ELAVL4: variants seen among roughly 807,000 people sequenced by gnomAD.
ELAVL4 encodes the protein ELAV-like protein 4.
ELAVL4 carries 1 observed loss-of-function variant against 35.6 expected under a neutral mutation model. The ratio of observed to expected loss-of-function variants is 0.03; its 90% CI spans 0.01 to 0.13. The LOEUF is 0.13. ELAVL4 is among the 10% of genes least tolerant of loss of function. The pLI is 1.00. For synonymous variants in ELAVL4, 156 were observed against 171.0 expected, an observed-to-expected ratio of 0.91 and a Z score of 0.69; for missense variants, 267 against 464.9, an observed-to-expected ratio of 0.57 and a Z score of 3.91.
chr1:50,140,490 A>G (rs1308717005), intron 1 of ELAVL4, among the ~76,000 whole-genome samples: 1 of 152,220 alleles, frequency 6.6e-6, no homozygotes, highest in African/African-American at 2.4e-5. Flanking sequence ...ATATTCGTGC[A>G]TTTAATATCT....
chr1:50,069,958 G>A (rs1321186262), intron 1 of ELAVL4, among the ~76,000 whole-genome samples: 3 of 152,292 alleles, frequency 2.0e-5, no homozygotes, highest in Non-Finnish European at 4.4e-5. Flanking sequence ...CTATTTTAGT[G>A]TCAAGGCTGT....
chr1:50,087,769 T>C (rs1015702026), intron 1 of ELAVL4, among the ~76,000 whole-genome samples: 6 of 152,290 alleles, frequency 3.9e-5, no homozygotes, highest in African/African-American at 1.4e-4. Context: ...CTCTCCACCA[T>C]GCAAGGACAC....
At chr1:50,164,170 T>C (rs1228987163) in intron 2 of ELAVL4, among the ~76,000 whole-genome samples, 3 of 152,222 alleles carry the variant, frequency 2.0e-5, no homozygotes, top group African/African-American at 7.2e-5. Context: ...TTTTCTCAGT[T>C]AGAAATAAGT....
intron 3 of ELAVL4, among the ~76,000 whole-genome samples, chr1:50,191,270 G>A (rs1682620672): frequency 6.6e-6 from 1 of 152,238 alleles, no homozygotes; most frequent in African/African-American, 2.4e-5. Context: ...GCTAAGAGAA[G>A]GCCTCTATGT....
upstream of ELAVL4, chr1:50,103,989 C>T (rs2148516159): frequency 6.2e-7 from 1 of 1,613,976 alleles, no homozygotes; most frequent in East Asian, 2.2e-5. Context: ...CGGCTACAGT[C>T]ATATGGAACA....
At chr1:50,197,370 C>T in intron 5 of ELAVL4, 59 bp from the exon 6 acceptor site, 1 of 1,509,044 alleles carries the variant, frequency 6.6e-7, no homozygotes, top group Non-Finnish European at 8.9e-7. Flanking sequence ...TTAATAGTTC[C>T]ATTGAGCGAT....
chr1:50,123,729 A>G (rs900039426), intron 1 of ELAVL4, among the ~76,000 whole-genome samples: 5 of 151,936 alleles, frequency 3.3e-5, no homozygotes, highest in African/African-American at 1.2e-4. Flanking sequence ...CCACTGTAGA[A>G]CTGCACCACG....
At chr1:50,065,606 G>A (rs1338250367) in intron 1 of ELAVL4, among the ~76,000 whole-genome samples, 2 of 152,104 alleles carry the variant, frequency 1.3e-5, no homozygotes, top group African/African-American at 4.8e-5. Flanking sequence ...GTATGTCTCG[G>A]GGTGGACTGG....
chr1:50,059,566 C>T (rs893724191), intron 1 of ELAVL4, among the ~76,000 whole-genome samples: 1 of 151,202 alleles, frequency 6.6e-6, no homozygotes, highest in Non-Finnish European at 1.5e-5. Flanking sequence ...AAAAAAAAAC[C>T]GTTGGAGAAA....
At chr1:50,136,260 T>A (rs1005459259) in intron 1 of ELAVL4, among the ~76,000 whole-genome samples, 2 of 152,178 alleles carry the variant, frequency 1.3e-5, no homozygotes, top group African/African-American at 4.8e-5. Context: ...CTGTGTAATT[T>A]TCTAACTTTG....
intron 1 of ELAVL4, among the ~76,000 whole-genome samples, chr1:50,125,442 C>CT (rs970232295): frequency 3.9e-5 from 6 of 151,936 alleles, no homozygotes; most frequent in African/African-American, 1.4e-4. Context: ...ATGCCCTACT[C>CT]TGAAAGGCTG....
chr1:50,113,812 C>T (rs768446438), intron 1 of ELAVL4, among the ~76,000 whole-genome samples: 5 of 151,872 alleles, frequency 3.3e-5, no homozygotes, highest in Admixed American at 6.6e-5. Context: ...TGTGTGTGTG[C>T]GAGAAAGAGA....
chr1:50,050,430 T>A (rs916569099), intron 1 of ELAVL4, among the ~76,000 whole-genome samples: 1 of 152,238 alleles, frequency 6.6e-6, no homozygotes, highest in Admixed American at 6.5e-5. Flanking sequence ...TCAAAACTCA[T>A]CAGAGTGAAC....
chr1:50,201,299 T>C lies in ELAVL4; in HGVS notation c.*121T>C. The C allele has an allele frequency of 3.2e-6, 4 of 1,256,272 alleles. No homozygotes were observed. The highest frequency in any genetic ancestry group is 4.2e-6 in the Non-Finnish European group (4 of 950,016). The allele number at this position is 1,256,272 out of a possible 1,614,324, so 77.8% of individuals were successfully genotyped here. A position where few individuals can be genotyped will look rare whatever the true frequency, so the allele number is the denominator to read the frequency against. On this transcript the variant is annotated 3_prime_UTR_variant, in exon 7 of 7. Coordinates refer to ENST00000371824, the MANE Select transcript of ELAVL4 (RefSeq NM_001144774.3). The surrounding 1 kb of genome is among the most constrained non-coding windows in gnomAD (Gnocchi z 4.3). The stretch of plus-strand genomic sequence containing the variant: ...ACTTTTCAAGGCTTATATTCAACCA[T>C]GGACTTTATAAGCCAGTGTTGCCTA...
intron 2 of ELAVL4, among the ~76,000 whole-genome samples, chr1:50,165,657 T>TATAG (rs1677690807): frequency 6.7e-6 from 1 of 148,508 alleles, no homozygotes; most frequent in South Asian, 2.1e-4. Context: ...TATATATGTG[T>TATAG]GTATATATGT....
At chr1:50,109,294 G>C in intron 1 of ELAVL4, 96 bp downstream of exon 1, 1 of 1,307,528 alleles carries the variant, frequency 7.6e-7, no homozygotes, top group Non-Finnish European at 1.1e-6. Flanking sequence ...CAAGAGTTTA[G>C]TTCTGTGCTG....
chr1:50,093,178 A>T (rs1053243694), intron 1 of ELAVL4, among the ~76,000 whole-genome samples: 2 of 152,258 alleles, frequency 1.3e-5, no homozygotes, highest in African/African-American at 4.8e-5. Flanking sequence ...GCAAAGAAAC[A>T]TACATAGGTG....
At chr1:50,141,614 C>G (rs1672833816) in intron 1 of ELAVL4, among the ~76,000 whole-genome samples, 1 of 152,178 alleles carries the variant, frequency 6.6e-6, no homozygotes, top group African/African-American at 2.4e-5. Context: ...TGCCTCCTTC[C>G]CTGGGGACCA....
intron 1 of ELAVL4, among the ~76,000 whole-genome samples, chr1:50,111,663 C>G (rs183166613): frequency 1.3e-5 from 2 of 152,284 alleles, no homozygotes; most frequent in East Asian, 3.9e-4. Flanking sequence ...CTCATAACCA[C>G]TGCCTTCCAT....
Sources: gnomAD v4.1 joint callset for allele counts (sites outside exome capture counted in the v4.1 genomes callset) on GRCh38, gnomAD v4.1.1 for gene constraint, Gnocchi (gnomAD v3.1) non-coding constraint, MANE v1.5 for transcripts, NCBI Gene and HGNC (gene_info 2026-07-23, HGNC 2026-07-21) for gene names.